DPP10: variants seen among roughly 807,000 people sequenced by gnomAD.
DPP10 encodes the protein inactive dipeptidyl peptidase 10.
A neutral mutation model predicts 120.9 loss-of-function variants in DPP10; 33 were observed. The ratio of observed to expected loss-of-function variants is 0.27; its 90% CI spans 0.21 to 0.37. DPP10 has a LOEUF of 0.37. Among genes scored for constraint, DPP10 ranks in the 10% least tolerant of loss-of-function variants. The pLI, the probability that DPP10 is intolerant of heterozygous loss-of-function variation, is 1.00. For missense variants in DPP10, 816 were observed against 942.8 expected, an observed-to-expected ratio of 0.87 and a Z score of 1.76; for synonymous variants, 337 against 326.1, an observed-to-expected ratio of 1.03 and a Z score of -0.36.
rs761961981 is a variant in DPP10 at position 114,542,048 on chromosome 2, C to CTTTTTTTTTTTTTT, written c.60+99210_60+99211insTTTTTTTTTTTTTT. On this transcript the variant is annotated intron_variant, in intron 1 of 25. Coordinates refer to ENST00000410059, the MANE Select transcript of DPP10 (RefSeq NM_020868.6). ...TACAGTTTTTTTTCTTTCTTTCTTT[C>CTTTTTTTTTTTTTT]CTTTTTTTTTTTTTTTTGAGATGGA... 5.7e-5 allele frequency among the ~76,000 whole-genome samples: 7 copies of CTTTTTTTTTTTTTT among 122,202 alleles called. 1 individual carries two copies. Among genetic ancestry groups the CTTTTTTTTTTTTTT allele is most frequent in the Admixed American group, 1.8e-4 (2 of 11,384 alleles). The allele number at this position is 122,202 out of a possible 152,430, so 80.2% of individuals were successfully genotyped here.
Position 114,643,544 on chromosome 2 carries a change from T to C in DPP10, c.60+200706T>C, listed in dbSNP as rs1316033167. 7.9e-5 allele frequency among the ~76,000 whole-genome samples: 12 copies of C among 151,870 alleles called. No individual in the cohort carries two copies. In the East Asian group the frequency reaches 2.1e-3, roughly 27 times the overall value. The stretch of plus-strand genomic sequence containing the variant: ...TTCTGCTAAGCCTTCCATAGCTCCA[T>C]CTCAAGTCCTCCTTTAAGGTGAGGG... On this transcript the variant is annotated intron_variant, in intron 1 of 25. Coordinates refer to ENST00000410059, the MANE Select transcript of DPP10 (RefSeq NM_020868.6).
At chr2:115,292,261 T>A (rs1436825736) in intron 1 of DPP10, among the ~76,000 whole-genome samples, 1 of 152,142 alleles carries the variant, frequency 6.6e-6, no homozygotes. Flanking sequence ...CATAACTACA[T>A]ATAAAACCAA....
At chr2:115,194,658 A>G (rs1001989921) in intron 1 of DPP10, among the ~76,000 whole-genome samples, 1 of 152,132 alleles carries the variant, frequency 6.6e-6, no homozygotes, top group East Asian at 1.9e-4. Context: ...TTTTTGTATA[A>G]AGGCTTTGTT....
chr2:114,846,840 T>C (rs77023905), intron 1 of DPP10, among the ~76,000 whole-genome samples: 13,168 of 152,166 alleles, frequency 0.087, 694 homozygotes, highest in Non-Finnish European at 0.11. Context: ...TTCATTGGGG[T>C]CCAGAAGAGG....
At chr2:115,140,926 GAA>G (rs372992316) in intron 1 of DPP10, among the ~76,000 whole-genome samples, 1 of 137,670 alleles carries the variant, frequency 7.3e-6, no homozygotes, top group Admixed American at 7.3e-5. Flanking sequence ...TGCTTATCTT[GAA>G]AAAAAAAAAA....
chr2:114,700,912 T>C (rs1700348776), intron 1 of DPP10, among the ~76,000 whole-genome samples: 1 of 152,124 alleles, frequency 6.6e-6, no homozygotes, highest in Non-Finnish European at 1.5e-5. Context: ...TGTGCTGGCT[T>C]ATGAAGCTGT....
chr2:115,642,194 A>G (rs1032684252), intron 5 of DPP10, among the ~76,000 whole-genome samples: 3 of 152,144 alleles, frequency 2.0e-5, no homozygotes, highest in African/African-American at 7.2e-5. Flanking sequence ...ACAATATAAT[A>G]TTTAACTTAA....
chr2:114,520,478 T>C (rs1573552475), intron 1 of DPP10, among the ~76,000 whole-genome samples: 2 of 152,118 alleles, frequency 1.3e-5, no homozygotes, highest in Admixed American at 1.3e-4. Flanking sequence ...TGACAGCAGA[T>C]AAAGTAGCAT....
intron 1 of DPP10, among the ~76,000 whole-genome samples, chr2:115,061,166 A>G (rs969201047): frequency 2.0e-5 from 3 of 152,246 alleles, no homozygotes; most frequent in Non-Finnish European, 2.9e-5. Flanking sequence ...TCATCATTTC[A>G]TCCCATGGAA....
chr2:115,352,598 A>T (rs2064107449), intron 3 of DPP10, among the ~76,000 whole-genome samples: 1 of 152,180 alleles, frequency 6.6e-6, no homozygotes, highest in Admixed American at 6.6e-5. Context: ...AGCACAGCCA[A>T]ACATTTTTCT....
At position 114,793,900 on chromosome 2, in the gene DPP10, A is replaced by G. The variant is rs1013194373; in HGVS notation, c.60+351062A>G. ...CTAGTGCTTCAAGTGGGTATATTTC[A>G]TCTTCCCAGTAAGTAGAGAGCAAAT... On this transcript the variant is annotated intron_variant, in intron 1 of 25. Coordinates refer to ENST00000410059, the MANE Select transcript of DPP10 (RefSeq NM_020868.6). Among the ~76,000 whole-genome samples, 5 of 152,258 alleles carry G rather than the reference A, an allele frequency of 3.3e-5. No individual in the cohort carries two copies. In the East Asian group the frequency reaches 9.7e-4, roughly 29 times the overall value.
chr2:115,397,236 T>A (rs1482212998), intron 3 of DPP10, among the ~76,000 whole-genome samples: 1 of 152,186 alleles, frequency 6.6e-6, no homozygotes, highest in African/African-American at 2.4e-5. Context: ...AGTTGGGTGA[T>A]GTAACCTGGA....
At chr2:115,780,728 T>C (rs1033803599) in intron 15 of DPP10, 146 bp from the exon 16 acceptor site, 1 of 572,628 alleles carries the variant, frequency 1.7e-6, no homozygotes, top group Non-Finnish European at 2.8e-6. Context: ...ACTTTTTATG[T>C]ATATGGTGAT....
At chr2:115,747,282 G>T (rs768120990) in intron 10 of DPP10, among the ~76,000 whole-genome samples, 6 of 152,172 alleles carry the variant, frequency 3.9e-5, no homozygotes, top group African/African-American at 7.2e-5. Context: ...TTTCATCCAC[G>T]TTGGATGGAA....
chr2:115,341,383 T>C (rs568742645), intron 2 of DPP10, among the ~76,000 whole-genome samples: 1 of 152,234 alleles, frequency 6.6e-6, no homozygotes, highest in East Asian at 1.9e-4. Flanking sequence ...ATACAGACCA[T>C]GCATAGCTTC....
chr2:115,024,929 T>C (rs978422494), intron 1 of DPP10, among the ~76,000 whole-genome samples: 3 of 150,696 alleles, frequency 2.0e-5, no homozygotes, highest in Non-Finnish European at 4.4e-5. Context: ...TATTTTATAA[T>C]CTTTAAAATG....
chr2:115,585,106 G>A (rs2082211015), intron 5 of DPP10, among the ~76,000 whole-genome samples: 2 of 152,146 alleles, frequency 1.3e-5, no homozygotes, highest in South Asian at 4.1e-4. Context: ...GCCTGTATGT[G>A]ACAGAAATTG....
At chr2:114,589,981 C>A (rs868571887) in intron 1 of DPP10, among the ~76,000 whole-genome samples, 31 of 151,856 alleles carry the variant, frequency 2.0e-4, no homozygotes, top group South Asian at 1.0e-3. Context: ...AGATATGACC[C>A]TAATTCTTTA....
intron 7 of DPP10, among the ~76,000 whole-genome samples, chr2:115,692,887 C>A (rs1368482125): frequency 6.6e-6 from 1 of 151,992 alleles, no homozygotes; most frequent in African/African-American, 2.4e-5. Flanking sequence ...ATAGATATTT[C>A]ATATCATGAG....
Sources: gnomAD v4.1 joint callset for allele counts (sites outside exome capture counted in the v4.1 genomes callset) on GRCh38, gnomAD v4.1.1 for gene constraint, MANE v1.5 for transcripts, NCBI Gene and HGNC (gene_info 2026-07-23, HGNC 2026-07-21) for gene names.